Variants in FERRY3 observed in about 807,000 individuals in gnomAD.
FERRY3 encodes the protein FERRY endosomal RAB5 effector complex subunit 3.
chr12:4,494,958 T>C, the FERRY3 span, among the ~76,000 whole-genome samples: 1 of 152,220 alleles, frequency 6.6e-6, no homozygotes, highest in African/African-American at 2.4e-5. Context: ...ACGGGATATA[T>C]TTCCATTTAT....
At chr12:4,500,365 A>T in the FERRY3 span, 18 of 1,592,932 alleles carry the variant, frequency 1.1e-5, no homozygotes, top group Non-Finnish European at 1.5e-5. Flanking sequence ...TACAATCATG[A>T]TTACCAAATG....
At chr12:4,525,355 C>G in the FERRY3 span, 2 of 1,613,064 alleles carry the variant, frequency 1.2e-6, no homozygotes, top group Non-Finnish European at 1.7e-6. Context: ...TTAATTCATT[C>G]GACCATTTAT....
chr12:4,515,248 C>T, the FERRY3 span, among the ~76,000 whole-genome samples: 3 of 152,154 alleles, frequency 2.0e-5, no homozygotes, highest in African/African-American at 7.2e-5. Context: ...TTTTCAATAG[C>T]TTTAAAAACC....
At chr12:4,529,119 T>C in the FERRY3 span, among the ~76,000 whole-genome samples, 6 of 152,250 alleles carry the variant, frequency 3.9e-5, no homozygotes, top group Non-Finnish European at 7.4e-5. Flanking sequence ...TATCACAATT[T>C]ATATAGAGTT....
the FERRY3 span, among the ~76,000 whole-genome samples, chr12:4,493,905 C>A: frequency 6.6e-6 from 1 of 152,026 alleles, no homozygotes; most frequent in Non-Finnish European, 1.5e-5. Context: ...CCAGCCTGGC[C>A]AACGTGGTGA....
the FERRY3 span, among the ~76,000 whole-genome samples, chr12:4,503,586 T>C: frequency 6.6e-5 from 10 of 152,230 alleles, no homozygotes; most frequent in African/African-American, 1.9e-4. Flanking sequence ...AGGTATACTT[T>C]AAATGGAAAT....
the FERRY3 span, among the ~76,000 whole-genome samples, chr12:4,494,680 C>A: frequency 6.6e-6 from 1 of 152,222 alleles, no homozygotes; most frequent in Non-Finnish European, 1.5e-5. Context: ...GTTTTCTGAT[C>A]CACAGTCTAT....
chr12:4,532,760 C>A, the FERRY3 span, among the ~76,000 whole-genome samples: 1 of 152,166 alleles, frequency 6.6e-6, no homozygotes, highest in Non-Finnish European at 1.5e-5. Flanking sequence ...AGCTTCACTT[C>A]TTTCCCTATG....
At chr12:4,513,832 G>A in the FERRY3 span, among the ~76,000 whole-genome samples, 2 of 152,178 alleles carry the variant, frequency 1.3e-5, no homozygotes, top group Non-Finnish European at 2.9e-5. Context: ...ACATAGGCAT[G>A]GGCAAGGACT....
chr12:4,496,576 G>A, the FERRY3 span, among the ~76,000 whole-genome samples: 9 of 151,434 alleles, frequency 5.9e-5, no homozygotes, highest in Admixed American at 5.2e-4. Flanking sequence ...CACTTTAGAT[G>A]ACATGTGCAA....
At chr12:4,525,588 AACACAAAT>A in the FERRY3 span, 1 of 1,584,850 alleles carries the variant, frequency 6.3e-7, no homozygotes. Context: ...CCTTGTCTAA[AACACAAAT>A]AAACAAATCA....
At chr12:4,489,963 G>A in the FERRY3 span, 1 of 1,140,604 alleles carries the variant, frequency 8.8e-7, no homozygotes, top group Non-Finnish European at 1.3e-6. Flanking sequence ...AATAATTTTA[G>A]AAGTATTTTA....
chr12:4,503,777 C>T, the FERRY3 span, among the ~76,000 whole-genome samples: 5,504 of 151,878 alleles, frequency 0.036, 329 homozygotes, highest in African/African-American at 0.12. Context: ...AGAAACAGGA[C>T]TGAGAGACTG....
the FERRY3 span, among the ~76,000 whole-genome samples, chr12:4,521,299 C>T: frequency 3.3e-5 from 5 of 152,104 alleles, no homozygotes; most frequent in South Asian, 1.0e-3. Context: ...GTGGAGGTTG[C>T]AATGAGCCAA....
the FERRY3 span, among the ~76,000 whole-genome samples, chr12:4,526,714 C>A: frequency 6.6e-6 from 1 of 151,748 alleles, no homozygotes; most frequent in Non-Finnish European, 1.5e-5. Context: ...TGGTAGCGGG[C>A]GCCTGTAATC....
At chr12:4,520,912 G>A in the FERRY3 span, among the ~76,000 whole-genome samples, 36 of 152,106 alleles carry the variant, frequency 2.4e-4, no homozygotes, top group African/African-American at 8.0e-4. Flanking sequence ...AAAGTCTAAC[G>A]CAAAGGGGAA....
chr12:4,509,428 C>A, the FERRY3 span: 1,368 of 145,668 alleles, frequency 9.4e-3, 20 homozygotes, highest in African/African-American at 0.035. Flanking sequence ...CCTCTGTAGG[C>A]TCCACCTCTG....
the FERRY3 span, among the ~76,000 whole-genome samples, chr12:4,513,440 A>G: frequency 6.6e-6 from 1 of 150,844 alleles, no homozygotes. Flanking sequence ...CGCCAAGTCA[A>G]TCCTAAGCCA....
the FERRY3 span, chr12:4,529,758 G>T: frequency 3.3e-6 from 3 of 904,958 alleles, no homozygotes; most frequent in Non-Finnish European, 4.8e-6. Flanking sequence ...TAATATTGAA[G>T]TTTTTTTTTC....
Sources: allele counts gnomAD v4.1 joint callset (sites outside exome capture counted in the v4.1 genomes callset), GRCh38; gene constraint gnomAD v4.1.1; transcripts MANE v1.5; gene names NCBI Gene and HGNC (gene_info 2026-07-23, HGNC 2026-07-21).